MCUB: variants seen among roughly 807,000 people sequenced by gnomAD.
MCUB encodes mitochondrial calcium uniporter dominant negative subunit beta.
In MCUB, 46 loss-of-function variants were observed where a neutral mutation model predicts 41.4. The observed-to-expected ratio is 1.11, with a 90% CI of 0.88 to 1.42. MCUB has a LOEUF of 1.42. MCUB is among the 40% of genes most tolerant of loss of function. The pLI, the probability that MCUB is intolerant of heterozygous loss-of-function variation, is 0.00. For missense variants in MCUB, 403 were observed against 404.9 expected, an observed-to-expected ratio of 1.00 and a Z score of 0.04; for synonymous variants, 148 against 148.2, an observed-to-expected ratio of 1.00 and a Z score of 0.01.
intron 1 of MCUB, among the ~76,000 whole-genome samples, chr4:109,626,046 G>A (rs1728354080): frequency 6.6e-6 from 1 of 152,136 alleles, no homozygotes; most frequent in Admixed American, 6.5e-5. Flanking sequence ...CTAGATTAGG[G>A]TTTCTGTTGA....
chr4:109,560,427 T>TCCGCCC lies in MCUB; in HGVS notation c.92_97dup (p.Pro31_Pro32dup). The TCCGCCC allele has an allele frequency of 7.7e-7, 1 of 1,291,346 alleles. No individual in the cohort carries two copies. 80.0% of individuals were successfully genotyped at this position (1,291,346 alleles called of 1,614,324 possible). Reference sequence around the variant, plus strand: ...CAGCGCGCCCGTGGCCGCTGCCGCCTCCGCCCCAGGTAAGAGCGGGTGCCG... The same window carrying TCCGCCC: ...CAGCGCGCCCGTGGCCGCTGCCGCCTCCGCCCCCGCCCCAGGTAAGAGCGGGTGCCG... On this transcript the variant is annotated inframe_insertion, in exon 1 of 8. Transcript: ENST00000394650.
chr4:109,652,847 A>G (rs547098111), intron 1 of MCUB, among the ~76,000 whole-genome samples: 1 of 152,278 alleles, frequency 6.6e-6, no homozygotes, highest in East Asian at 1.9e-4. Flanking sequence ...ACATTCCTGC[A>G]TTTATTTAAC....
chr4:109,597,357 G>A (rs1290644790), intron 1 of MCUB, among the ~76,000 whole-genome samples: 23 of 150,752 alleles, frequency 1.5e-4, no homozygotes, highest in African/African-American at 5.4e-4. Context: ...TGGCCGGGCG[G>A]GGGGCTGACC....
intron 1 of MCUB, among the ~76,000 whole-genome samples, chr4:109,579,548 C>T (rs1015212219): frequency 5.9e-5 from 9 of 152,182 alleles, no homozygotes; most frequent in African/African-American, 2.2e-4. Flanking sequence ...AGGACCACCA[C>T]ATAGCATTAG....
In MCUB at chr4:109,687,508, A is replaced by G. The variant is rs1372183676; in HGVS notation, c.934-7A>G. On this transcript the variant is annotated splice_polypyrimidine_tract_variant and splice_region_variant and intron_variant, in intron 7 of 7. Coordinates refer to ENST00000394650, the MANE Select transcript of MCUB (RefSeq NM_017918.5). ...TGATCACATGCTTTTTCTTTTTCCC[A>G]TGACAGGCTAAAGAATCCCTGAAAC... 6.2e-7 allele frequency: 1 copy of G among 1,601,640 alleles called. No individual in the cohort carries two copies. Among genetic ancestry groups the G allele is most frequent in the African/African-American group, 1.3e-5 (1 of 74,576 alleles).
intron 1 of MCUB, among the ~76,000 whole-genome samples, chr4:109,635,785 A>G (rs1728576386): frequency 6.6e-6 from 1 of 152,040 alleles, no homozygotes; most frequent in Admixed American, 6.6e-5. Context: ...ATCTAATTCA[A>G]GGTAAAACAA....
Position 109,687,696 on chromosome 4 carries a change from T to C in MCUB, c.*104T>C, listed in dbSNP as rs1221114808. 6.9e-6 allele frequency: 5 copies of C among 726,762 alleles called. No homozygotes were observed. The highest frequency in any genetic ancestry group is 2.6e-5 in the East Asian group (1 of 38,284). 45.0% of individuals were successfully genotyped at this position (726,762 alleles called of 1,614,324 possible). A position where few individuals can be genotyped will look rare whatever the true frequency, so the allele number is the denominator to read the frequency against. On this transcript the variant is annotated 3_prime_UTR_variant, in exon 8 of 8. Coordinates refer to ENST00000394650, the MANE Select transcript of MCUB (RefSeq NM_017918.5). ...CATTTTGATTGTTTAATCTTTGTTA[T>C]TAAATTCTTGTAAAACAGAAGTATT...
In MCUB at chr4:109,569,497, C is replaced by CTTT. The variant is rs35808519; in HGVS notation, c.99+9083_99+9085dup. 3.2e-3 allele frequency among the ~76,000 whole-genome samples: 278 copies of CTTT among 87,190 alleles called. 1 individual carries two copies. Among genetic ancestry groups the CTTT allele is most frequent in the East Asian group, 3.9e-3 (11 of 2,808 alleles). The allele number at this position is 87,190 out of a possible 152,430, so 57.2% of individuals were successfully genotyped here. On this transcript the variant is annotated intron_variant, in intron 1 of 7. Coordinates refer to ENST00000394650, the MANE Select transcript of MCUB (RefSeq NM_017918.5). The stretch of plus-strand genomic sequence containing the variant: ...CATATAAGTATTTTCTTGGCTATCC[C>CTTT]TTTTTTTTTTTTTTTTTTTTTTTTG...
intron 5 of MCUB, among the ~76,000 whole-genome samples, chr4:109,683,581 C>G (rs1729765355): frequency 6.6e-6 from 1 of 152,156 alleles, no homozygotes; most frequent in African/African-American, 2.4e-5. Context: ...TGTGTACAAA[C>G]AAATACATTC....
intron 1 of MCUB, chr4:109,648,780 G>C: frequency 3.3e-6 from 1 of 304,842 alleles, no homozygotes; most frequent in Non-Finnish European, 6.0e-6. Context: ...TTCTACAAAA[G>C]ATCATGATGC....
At chr4:109,567,887 C>A (rs1448218658) in intron 1 of MCUB, among the ~76,000 whole-genome samples, 1 of 152,002 alleles carries the variant, frequency 6.6e-6, no homozygotes, top group African/African-American at 2.4e-5. Context: ...TTAGTAGAGA[C>A]AGGGTTTCAC....
At chr4:109,584,950 G>C (rs76905099) in intron 1 of MCUB, among the ~76,000 whole-genome samples, 1 of 152,312 alleles carries the variant, frequency 6.6e-6, no homozygotes, top group African/African-American at 2.4e-5. Context: ...GGAGAGTTCT[G>C]TAGGTGTCTA....
rs570703344 is a variant in MCUB at position 109,604,916 on chromosome 4, G to C, written c.99+44480G>C. Among the ~76,000 whole-genome samples, 3 of 152,164 alleles carry C rather than the reference G, an allele frequency of 2.0e-5. No homozygotes were observed. In the South Asian group the frequency reaches 6.2e-4, roughly 32 times the overall value. On this transcript the variant is annotated intron_variant, in intron 1 of 7. Transcript: ENST00000394650. The stretch of plus-strand genomic sequence containing the variant: ...ACCTTTTCAATGTGTTCTAGATTTG[G>C]TTTGCTAGCATTTTGTTGAGGATTT...
chr4:109,594,871 A>T (rs1727519555), intron 1 of MCUB, among the ~76,000 whole-genome samples: 1 of 151,760 alleles, frequency 6.6e-6, no homozygotes, highest in African/African-American at 2.4e-5. Flanking sequence ...AAAAAGAGAG[A>T]GGCTCAGCCA....
intron 1 of MCUB, among the ~76,000 whole-genome samples, chr4:109,591,216 C>T (rs1561219211): frequency 1.3e-5 from 2 of 149,932 alleles, no homozygotes; most frequent in African/African-American, 4.9e-5. Context: ...GAGACAGTCT[C>T]ACTCTGTTGC....
At chr4:109,654,901 A>G (rs527980190) in intron 1 of MCUB, among the ~76,000 whole-genome samples, 14 of 152,280 alleles carry the variant, frequency 9.2e-5, no homozygotes, top group Admixed American at 7.8e-4. Flanking sequence ...TGGGTGCCCT[A>G]CAATTTAAAT....
intron 1 of MCUB, among the ~76,000 whole-genome samples, chr4:109,628,585 G>A (rs1009281986): frequency 1.3e-5 from 2 of 152,204 alleles, no homozygotes; most frequent in African/African-American, 4.8e-5. Context: ...TTGATTTGGA[G>A]TTTATTTTGA....
intron 1 of MCUB, among the ~76,000 whole-genome samples, chr4:109,575,972 C>T (rs1204419472): frequency 6.6e-6 from 1 of 152,182 alleles, no homozygotes; most frequent in Non-Finnish European, 1.5e-5. Flanking sequence ...TTCAATTGGC[C>T]ACCTGACCCA....
At position 109,684,464 on chromosome 4, in the gene MCUB, C is replaced by T. The variant is rs764716696; in HGVS notation, c.634C>T (p.His212Tyr). 1.2e-6 allele frequency: 2 copies of T among 1,612,166 alleles called. No individual in the cohort carries two copies. The highest frequency in any genetic ancestry group is 3.4e-5 in the Admixed American group (2 of 59,546). The change falls in exon 6 of 8, where the codon CAT becomes TAT. Residue 212 changes from histidine (H) to tyrosine (Y), a missense_variant. Transcript: ENST00000394650. ...TCAGGTGAAAGCTGGAATAGAAGCT[C>T]ATTCGGAAGCCAAAACCAGTGGACT... ...LEQVKAGIEA[H>Y]SEAKTSGLLW...
Sources: allele counts gnomAD v4.1 joint callset (sites outside exome capture counted in the v4.1 genomes callset), GRCh38; gene constraint gnomAD v4.1.1; transcripts MANE v1.5; gene names NCBI Gene and HGNC (gene_info 2026-07-23, HGNC 2026-07-21).